Variants in RIN3 observed in about 807,000 individuals in gnomAD.
RIN3 encodes Ras and Rab interactor 3, also known as RAB5 interacting protein 3.
RIN3 carries 54 observed loss-of-function variants against 76.3 expected under a neutral mutation model. That is an observed-to-expected ratio of 0.71 (90% CI 0.57 to 0.89). RIN3 has a LOEUF of 0.89. Among genes scored for constraint, RIN3 ranks in the 40% least tolerant of loss-of-function variants. The pLI, the probability that RIN3 is intolerant of heterozygous loss-of-function variation, is 0.00. For missense variants in RIN3, 1,256 were observed against 1,322.1 expected (o/e 0.95, Z 0.78); for synonymous variants, 576 against 564.0 (o/e 1.02, Z -0.30).
At chr14:92,620,450 A>G (rs999551532) in intron 4 of RIN3, among the ~76,000 whole-genome samples, 2 of 152,278 alleles carry the variant, frequency 1.3e-5, no homozygotes, top group Admixed American at 1.3e-4. Flanking sequence ...GTTTGTTTAA[A>G]GGTAGAAAGT....
chr14:92,674,345 C>G (rs1238322520), intron 7 of RIN3, among the ~76,000 whole-genome samples: 1 of 152,168 alleles, frequency 6.6e-6, no homozygotes, highest in African/African-American at 2.4e-5. Context: ...AGGAAGCAGC[C>G]TCATTGTTAC....
chr14:92,563,280 G>T (rs1235341367), intron 2 of RIN3, among the ~76,000 whole-genome samples: 2 of 152,178 alleles, frequency 1.3e-5, no homozygotes, highest in Non-Finnish European at 2.9e-5. Flanking sequence ...AGAATCGCTT[G>T]AACCCGGGAG....
intron 6 of RIN3, among the ~76,000 whole-genome samples, chr14:92,658,110 G>A (rs1422750914): frequency 6.6e-6 from 1 of 152,194 alleles, no homozygotes; most frequent in Non-Finnish European, 1.5e-5. Context: ...ATGAGTTCAA[G>A]TCCTTGTTCA....
chr14:92,649,398 C>A lies in RIN3; in HGVS notation c.533-2184C>A, dbSNP rs183156808. Among the ~76,000 whole-genome samples the A allele has an allele frequency of 3.9e-4, 60 of 152,222 alleles. No individual in the cohort carries two copies. In the East Asian group the frequency reaches 0.011, roughly 29 times the overall value. Reference sequence around the variant, plus strand: ...TCCCAAGGAGGCAACTTTGTTGGGCCTGTGTAGACATGGGCACAGTGCTTC... The same window carrying A: ...TCCCAAGGAGGCAACTTTGTTGGGCATGTGTAGACATGGGCACAGTGCTTC... On this transcript the variant is annotated intron_variant, in intron 5 of 9. Transcript: ENST00000216487.
At chr14:92,657,386 G>A (rs1334003944) in intron 6 of RIN3, among the ~76,000 whole-genome samples, 2 of 151,840 alleles carry the variant, frequency 1.3e-5, no homozygotes, top group Non-Finnish European at 2.9e-5. Context: ...AAAAAAAAAG[G>A]CCAACAGAAC....
chr14:92,522,599 T>C (rs1896629625), intron 1 of RIN3, among the ~76,000 whole-genome samples: 1 of 152,198 alleles, frequency 6.6e-6, no homozygotes, highest in South Asian at 2.1e-4. Flanking sequence ...ATTTCATGTG[T>C]CTATCTTGAC....
In RIN3 at chr14:92,548,800, T is replaced by C. The variant is rs556302383; in HGVS notation, c.45-6951T>C. ...TATCTGCAAAGAAAAAGATCCTTTT[T>C]CCAAATAAGGTCACATGTACAAGTA... On this transcript the variant is annotated intron_variant, in intron 1 of 9. Transcript: ENST00000216487. Among the ~76,000 whole-genome samples, 3 of 152,066 alleles carry C rather than the reference T, an allele frequency of 2.0e-5. No homozygotes were observed. The South Asian group carries it at 6.3e-4, about 32-fold the overall frequency.
intron 3 of RIN3, among the ~76,000 whole-genome samples, chr14:92,591,048 C>A (rs1455857209): frequency 6.6e-6 from 1 of 152,118 alleles, no homozygotes; most frequent in Non-Finnish European, 1.5e-5. Flanking sequence ...TAATTTAAAG[C>A]AACTATGATT....
intron 1 of RIN3, among the ~76,000 whole-genome samples, chr14:92,532,031 C>T (rs1371381917): frequency 6.6e-6 from 1 of 151,670 alleles, no homozygotes; most frequent in African/African-American, 2.4e-5. Flanking sequence ...TGGGTTCAAG[C>T]GATTCTCCTG....
At chr14:92,598,167 T>G (rs1361422191) in intron 3 of RIN3, among the ~76,000 whole-genome samples, 1 of 152,150 alleles carries the variant, frequency 6.6e-6, no homozygotes, top group Non-Finnish European at 1.5e-5. Flanking sequence ...TGAGTTGTCA[T>G]GTAAGAAATC....
intron 1 of RIN3, among the ~76,000 whole-genome samples, chr14:92,546,084 T>G (rs1056682440): frequency 6.6e-6 from 1 of 151,740 alleles, no homozygotes; most frequent in Non-Finnish European, 1.5e-5. Context: ...CGCCACCACA[T>G]CTGGTAATTT....
intron 1 of RIN3, among the ~76,000 whole-genome samples, chr14:92,544,420 G>T (rs1054084348): frequency 1.0e-4 from 14 of 134,920 alleles, no homozygotes; most frequent in South Asian, 2.9e-4. Flanking sequence ...GCTGTGGGGG[G>T]GGGGGGGGGG....
At chr14:92,581,175 C>T (rs1024133684) in intron 3 of RIN3, among the ~76,000 whole-genome samples, 1 of 152,300 alleles carries the variant, frequency 6.6e-6, no homozygotes, top group Non-Finnish European at 1.5e-5. Flanking sequence ...CTCATTTGGC[C>T]AGGGCCAGGC....
At chr14:92,553,094 AAGCTTCCTTCTCCC>A (rs1258278374) in intron 1 of RIN3, among the ~76,000 whole-genome samples, 1 of 151,470 alleles carries the variant, frequency 6.6e-6, no homozygotes, top group East Asian at 1.9e-4. Flanking sequence ...GCAAATGGAG[AAGCTTCCTTCTCCC>A]AGTCCCCATT....
At chr14:92,566,212 C>T (rs2140046769) in intron 2 of RIN3, among the ~76,000 whole-genome samples, 1 of 152,246 alleles carries the variant, frequency 6.6e-6, no homozygotes, top group African/African-American at 2.4e-5. Context: ...CTCTTTGATG[C>T]CTTCAGTTCC....
intron 7 of RIN3, among the ~76,000 whole-genome samples, chr14:92,675,508 C>T (rs551775550): frequency 2.6e-5 from 4 of 152,336 alleles, no homozygotes; most frequent in South Asian, 2.1e-4. Flanking sequence ...TGGTAACCCC[C>T]GGCTGAGTCT....
At chr14:92,658,329 C>G (rs115015206) in intron 6 of RIN3, among the ~76,000 whole-genome samples, 1 of 152,208 alleles carries the variant, frequency 6.6e-6, no homozygotes, top group Admixed American at 6.5e-5. Flanking sequence ...CAAAGGGAAC[C>G]GCAGGAGCAA....
chr14:92,617,296 A>G (rs1270609303), intron 4 of RIN3, among the ~76,000 whole-genome samples: 1 of 151,428 alleles, frequency 6.6e-6, no homozygotes, highest in Non-Finnish European at 1.5e-5. Flanking sequence ...GCAAAACTCC[A>G]TCTCAAAAAA....
intron 4 of RIN3, among the ~76,000 whole-genome samples, chr14:92,620,577 C>G (rs558516084): frequency 6.6e-6 from 1 of 152,174 alleles, no homozygotes; most frequent in African/African-American, 2.4e-5. Flanking sequence ...ATTCACAGAA[C>G]CAAATGAAAG....
Sources: gnomAD v4.1 joint callset for allele counts (sites outside exome capture counted in the v4.1 genomes callset) on GRCh38, gnomAD v4.1.1 for gene constraint, MANE v1.5 for transcripts, NCBI Gene and HGNC (gene_info 2026-07-23, HGNC 2026-07-21) for gene names.